SLC35D1: variants seen among roughly 807,000 people sequenced by gnomAD.
SLC35D1 encodes nucleotide sugar transporter SLC35D1.
Under a neutral mutation model 46.7 loss-of-function variants are expected in SLC35D1, and 31 were observed. The ratio of observed to expected loss-of-function variants is 0.66; its 90% CI spans 0.50 to 0.90. The LOEUF (loss-of-function observed/expected upper bound fraction) is 0.90. Among genes scored for constraint, SLC35D1 ranks in the 40% least tolerant of loss-of-function variants. The probability of loss-of-function intolerance (pLI) is 0.00; values close to 1 mark genes in which losing one functional copy is unlikely to be tolerated. For synonymous variants in SLC35D1, 195 were observed against 164.6 expected (o/e 1.18, Z -1.41); for missense variants, 397 against 426.2 (o/e 0.93, Z 0.60).
At chr1:67,032,908 G>C (rs189859410) in intron 8 of SLC35D1, among the ~76,000 whole-genome samples, 70 of 151,988 alleles carry the variant, frequency 4.6e-4, no homozygotes, top group African/African-American at 1.6e-3. Flanking sequence ...TACTACCCTT[G>C]CCAGCCTCTG....
chr1:67,053,778 CCGCGGCCT>C, intron 1 of SLC35D1, 25 bp downstream of exon 1: 1 of 1,518,530 alleles, frequency 6.6e-7, no homozygotes, highest in African/African-American at 1.5e-5. Context: ...CGCTCCTCCT[CCGCGGCCT>C]GGGCCGCCGC....
chr1:67,021,085 A>G (rs901165171), intron 9 of SLC35D1, among the ~76,000 whole-genome samples: 1 of 152,174 alleles, frequency 6.6e-6, no homozygotes, highest in Non-Finnish European at 1.5e-5. Flanking sequence ...GGACATGAGG[A>G]TAAGAGGCAC....
At chr1:67,011,024 G>GCC (rs1353342610) in intron 10 of SLC35D1, among the ~76,000 whole-genome samples, 2 of 152,118 alleles carry the variant, frequency 1.3e-5, no homozygotes, top group Non-Finnish European at 2.9e-5. Flanking sequence ...TCCAAGGGCT[G>GCC]CTACCTGTGA....
At chr1:66,982,040 C>G in the SLC35D1 span, 1 of 936,548 alleles carries the variant, frequency 1.1e-6, no homozygotes, top group Non-Finnish European at 1.6e-6. Flanking sequence ...AATGATAACA[C>G]ATGAGACAAA....
chr1:67,033,656 T>C (rs907937034), intron 8 of SLC35D1, among the ~76,000 whole-genome samples: 1 of 152,214 alleles, frequency 6.6e-6, no homozygotes, highest in South Asian at 2.1e-4. Context: ...CTCTTGACTG[T>C]TGTTTTCTTC....
At chr1:66,994,502 G>A (rs959460454), downstream of SLC35D1, among the ~76,000 whole-genome samples, 1 of 152,090 alleles carries the variant, frequency 6.6e-6, no homozygotes, top group African/African-American at 2.4e-5. Context: ...AAACTAGCCA[G>A]ACGTGGTGGC....
intron 10 of SLC35D1, among the ~76,000 whole-genome samples, chr1:67,018,557 G>T (rs1160934940): frequency 2.6e-5 from 4 of 152,108 alleles, no homozygotes; most frequent in Non-Finnish European, 5.9e-5. Context: ...TAGTATACCC[G>T]ACAATTGCCT....
downstream of SLC35D1, among the ~76,000 whole-genome samples, chr1:66,996,282 C>T (rs1667237659): frequency 1.3e-5 from 2 of 152,216 alleles, no homozygotes; most frequent in African/African-American, 4.8e-5. Context: ...AGCTGCTTTG[C>T]CTTCTCAGAT....
At position 67,004,508 on chromosome 1, in the gene SLC35D1, C is replaced by G. The variant is rs142782417; in HGVS notation, c.960-60G>C. 1.1e-5 allele frequency: 16 copies of G among 1,450,946 alleles called. No homozygotes were observed. In the African/African-American group the frequency reaches 1.4e-4, roughly 13 times the overall value. The allele number at this position is 1,450,946 out of a possible 1,614,324, so 89.9% of individuals were successfully genotyped here. ...AAGGGAGGGTTTTAGTGTAAACACTCTACTCAGTAAAAAAACTTACACCAA... is the reference window on the plus strand; with the variant it reads ...AAGGGAGGGTTTTAGTGTAAACACTGTACTCAGTAAAAAAACTTACACCAA... On this transcript the variant is annotated intron_variant, in intron 11 of 11. Transcript: ENST00000235345.
intron 8 of SLC35D1, among the ~76,000 whole-genome samples, chr1:67,041,878 A>G (rs2102344942): frequency 6.6e-6 from 1 of 152,284 alleles, no homozygotes; most frequent in South Asian, 2.1e-4. Context: ...GATTTGGAGA[A>G]TTTTACTATT....
At chr1:66,983,306 CTT>C in the SLC35D1 span, among the ~76,000 whole-genome samples, 736 of 152,320 alleles carry the variant, frequency 4.8e-3, 2 homozygotes, top group Middle Eastern at 0.017. Flanking sequence ...GAATTGTTCT[CTT>C]CAATATATTA....
chr1:66,993,950 G>C, the SLC35D1 span, among the ~76,000 whole-genome samples: 3 of 152,208 alleles, frequency 2.0e-5, no homozygotes, highest in African/African-American at 7.2e-5. Context: ...AAAGCATTGA[G>C]GTTAGGTGAA....
the SLC35D1 span, among the ~76,000 whole-genome samples, chr1:66,975,981 G>GC: frequency 1.4e-5 from 2 of 143,746 alleles, no homozygotes; most frequent in African/African-American, 5.1e-5. Context: ...CCACTTCCAG[G>GC]CCTTTTTTTT....
rs71801070 is a variant in SLC35D1 at position 67,039,493 on chromosome 1, T to TTGTGTGTGTGTGTG, written c.729+2729_729+2742dup. On this transcript the variant is annotated intron_variant, in intron 8 of 11. Transcript: ENST00000235345. Reference sequence around the variant, plus strand: ...GACTTTATTTAAATAAGTGAAAAAATTGTGTGTGTGTGTGTGTGTGTGTGT... The same window carrying TTGTGTGTGTGTGTG: ...GACTTTATTTAAATAAGTGAAAAAATTGTGTGTGTGTGTGTGTGTGTGTGTGTGTGTGTGTGTGT... 5.1e-3 allele frequency among the ~76,000 whole-genome samples: 762 copies of TTGTGTGTGTGTGTG among 148,754 alleles called. 5 individuals are homozygous for TTGTGTGTGTGTGTG. Among genetic ancestry groups the TTGTGTGTGTGTGTG allele is most frequent in the East Asian group, 0.011 (54 of 5,014 alleles).
At chr1:67,018,487 T>C (rs1667731164) in intron 10 of SLC35D1, among the ~76,000 whole-genome samples, 1 of 152,070 alleles carries the variant, frequency 6.6e-6, no homozygotes, top group South Asian at 2.1e-4. Context: ...AAAAAAGAAA[T>C]TATCAAGAAG....
At position 67,002,634 on chromosome 1, in the gene SLC35D1, T is replaced by A. The variant is rs1667364363; in HGVS notation, c.*1706A>T. The A allele has an allele frequency of 6.6e-6, 1 of 152,264 alleles. No homozygotes were observed. Among genetic ancestry groups the A allele is most frequent in the African/African-American group, 2.4e-5 (1 of 41,418 alleles). 9.4% of individuals were successfully genotyped at this position (152,264 alleles called of 1,614,324 possible). A position where few individuals can be genotyped will look rare whatever the true frequency, so the allele number is the denominator to read the frequency against. On this transcript the variant is annotated 3_prime_UTR_variant, in exon 12 of 12. Transcript: ENST00000235345. ...GTAACTTGGGAGTTGGTTGCAGGGATAATTCTAGGGACACAGCACCACCAG... is the reference window on the plus strand; with the variant it reads ...GTAACTTGGGAGTTGGTTGCAGGGAAAATTCTAGGGACACAGCACCACCAG...
At chr1:66,996,119 G>T (rs560160778), downstream of SLC35D1, among the ~76,000 whole-genome samples, 1 of 152,244 alleles carries the variant, frequency 6.6e-6, no homozygotes, top group African/African-American at 2.4e-5. Context: ...GACCAAATAT[G>T]AGAAGGCACA....
chr1:67,029,639 T>C (rs545567860), intron 8 of SLC35D1, among the ~76,000 whole-genome samples: 1 of 152,346 alleles, frequency 6.6e-6, no homozygotes, highest in South Asian at 2.1e-4. Context: ...CATCATTTTC[T>C]ACACACAGAT....
intron 9 of SLC35D1, among the ~76,000 whole-genome samples, chr1:67,021,294 G>C (rs1237638426): frequency 6.6e-6 from 1 of 152,038 alleles, no homozygotes; most frequent in African/African-American, 2.4e-5. Flanking sequence ...GAAATATAAT[G>C]GTGCTTACTA....
Sources: gnomAD v4.1 joint callset for allele counts (sites outside exome capture counted in the v4.1 genomes callset) on GRCh38, gnomAD v4.1.1 for gene constraint, MANE v1.5 for transcripts, NCBI Gene and HGNC (gene_info 2026-07-23, HGNC 2026-07-21) for gene names.